The following RBMS1 variants were observed in gnomAD, a reference collection of about 807,000 sequenced individuals.
RBMS1 encodes RNA binding motif single stranded interacting protein 1, also known as RNA-binding motif, single-stranded-interacting protein 1.
A neutral mutation model predicts 62.3 loss-of-function variants in RBMS1; 17 were observed. The ratio of observed to expected loss-of-function variants is 0.27; its 90% CI spans 0.19 to 0.41. The LOEUF is 0.41. Among genes scored for constraint, RBMS1 ranks in the 10% least tolerant of loss-of-function variants. The probability of loss-of-function intolerance (pLI) is 1.00; values close to 1 mark genes in which losing one functional copy is unlikely to be tolerated. For missense variants in RBMS1, 334 were observed against 504.5 expected, an observed-to-expected ratio of 0.66 and a Z score of 3.24; for synonymous variants, 172 against 170.0, an observed-to-expected ratio of 1.01 and a Z score of -0.09.
chr2:160,398,564 T>G (rs768727684), intron 1 of RBMS1, among the ~76,000 whole-genome samples: 1 of 152,196 alleles, frequency 6.6e-6, no homozygotes, highest in Non-Finnish European at 1.5e-5. Flanking sequence ...GATTCTTCCT[T>G]ATGAGAAACT....
At chr2:160,406,332 C>G (rs1347013088) in intron 1 of RBMS1, among the ~76,000 whole-genome samples, 1 of 152,240 alleles carries the variant, frequency 6.6e-6, no homozygotes, top group Non-Finnish European at 1.5e-5. Flanking sequence ...CTGACGACAA[C>G]AAGACCTAAA....
intron 1 of RBMS1, among the ~76,000 whole-genome samples, chr2:160,399,246 G>T (rs546641058): frequency 1.9e-4 from 29 of 152,294 alleles, no homozygotes; most frequent in African/African-American, 6.3e-4. Flanking sequence ...GGAGGACACA[G>T]ATCCCTCTGA....
chr2:160,385,757 G>A (rs1199664598), intron 1 of RBMS1, among the ~76,000 whole-genome samples: 1 of 152,184 alleles, frequency 6.6e-6, no homozygotes, highest in African/African-American at 2.4e-5. Context: ...AGAAGAGAAT[G>A]CAAAAGATCA....
At chr2:160,423,900 TG>T in intron 1 of RBMS1, among the ~76,000 whole-genome samples, 1 of 152,330 alleles carries the variant, frequency 6.6e-6, no homozygotes, top group East Asian at 1.9e-4. Flanking sequence ...TCCATTTCAC[TG>T]GAGGGTAAAC....
intron 1 of RBMS1, among the ~76,000 whole-genome samples, chr2:160,386,064 T>C (rs1193846560): frequency 1.3e-5 from 2 of 152,238 alleles, no homozygotes; most frequent in Admixed American, 1.3e-4. Flanking sequence ...ATGATTTCAT[T>C]TCTTAATCAA....
chr2:160,300,738 T>C lies in RBMS1; in HGVS notation c.561-8A>G. On this transcript the variant is annotated splice_region_variant and splice_polypyrimidine_tract_variant and intron_variant, in intron 5 of 13. Transcript: ENST00000348849. The stretch of plus-strand genomic sequence containing the variant: ...TTTTCTGTTGATTCCATCCTATTTA[T>C]AATAAAAATAGAATACATAAATATT... The C allele has an allele frequency of 6.3e-7, 1 of 1,575,606 alleles. No homozygotes were observed. Among genetic ancestry groups the C allele is most frequent in the Non-Finnish European group, 8.6e-7 (1 of 1,164,616 alleles).
chr2:160,409,950 C>T (rs1189373661), intron 1 of RBMS1, among the ~76,000 whole-genome samples: 1 of 151,962 alleles, frequency 6.6e-6, no homozygotes, highest in Non-Finnish European at 1.5e-5. Flanking sequence ...AGACTCTGGC[C>T]GGGCACGGTG....
intron 1 of RBMS1, among the ~76,000 whole-genome samples, chr2:160,477,522 G>C (rs2105352400): frequency 6.6e-6 from 1 of 151,810 alleles, no homozygotes; most frequent in South Asian, 2.1e-4. Context: ...TCCTGCGTTA[G>C]CCTCCAAGTA....
At position 160,493,542 on chromosome 2, in the gene RBMS1, TTCCTCCTCC is replaced by T. The variant is rs925937562; in HGVS notation, c.-188_-180del. The T allele has an allele frequency of 1.6e-4, 77 of 494,936 alleles. No homozygotes were observed. Among genetic ancestry groups the T allele is most frequent in the Middle Eastern group, 5.5e-4 (1 of 1,816 alleles). 30.7% of individuals were successfully genotyped at this position (494,936 alleles called of 1,614,324 possible). ...AGACGTCCTCCTCCTCCTCCTCCTC[TTCCTCCTCC>T]TCCTCCTCCTCCTCCTCCTCTTCCT... On this transcript the variant is annotated 5_prime_UTR_variant, in exon 1 of 14. Coordinates refer to ENST00000348849, the MANE Select transcript of RBMS1 (RefSeq NM_016836.4).
At chr2:160,322,145 A>G (rs955150407) in intron 2 of RBMS1, among the ~76,000 whole-genome samples, 3 of 152,184 alleles carry the variant, frequency 2.0e-5, no homozygotes, top group Non-Finnish European at 4.4e-5. Flanking sequence ...CTTCACAACA[A>G]TCTTATGAGG....
chr2:160,337,594 A>G (rs921322510), intron 2 of RBMS1, among the ~76,000 whole-genome samples: 1 of 152,142 alleles, frequency 6.6e-6, no homozygotes, highest in African/African-American at 2.4e-5. Flanking sequence ...GAATTATAAT[A>G]TATGACTTGA....
At chr2:160,488,920 A>G (rs1685712025) in intron 1 of RBMS1, among the ~76,000 whole-genome samples, 1 of 152,210 alleles carries the variant, frequency 6.6e-6, no homozygotes, top group Non-Finnish European at 1.5e-5. Context: ...AAGTCAGAGC[A>G]ATATATTAGT....
intron 1 of RBMS1, among the ~76,000 whole-genome samples, chr2:160,379,588 G>A (rs999746193): frequency 9.9e-5 from 15 of 152,140 alleles, no homozygotes; most frequent in African/African-American, 3.6e-4. Context: ...GTCATTCTGT[G>A]GTAAGCAGGA....
At chr2:160,446,738 T>C (rs757470901) in intron 1 of RBMS1, among the ~76,000 whole-genome samples, 2 of 152,228 alleles carry the variant, frequency 1.3e-5, no homozygotes, top group Non-Finnish European at 2.9e-5. Flanking sequence ...TCTTTGTTGT[T>C]TGTCCACCCC....
intron 4 of RBMS1, among the ~76,000 whole-genome samples, chr2:160,303,931 G>C (rs907020121): frequency 9.2e-5 from 14 of 152,100 alleles, no homozygotes; most frequent in Admixed American, 8.5e-4. Flanking sequence ...GCATCCAATA[G>C]GGATCTGCCT....
intron 1 of RBMS1, among the ~76,000 whole-genome samples, chr2:160,390,811 T>C (rs954007809): frequency 4.0e-5 from 6 of 151,766 alleles, no homozygotes; most frequent in African/African-American, 9.7e-5. Context: ...GCTATGGACA[T>C]TGCCATAGCC....
intron 6 of RBMS1, 78 bp downstream of exon 6, chr2:160,300,573 T>C (rs551866705): frequency 6.8e-6 from 10 of 1,460,116 alleles, no homozygotes; most frequent in South Asian, 4.9e-5. Flanking sequence ...TTTTGTTCTA[T>C]TGAAGAGTCA....
chr2:160,423,371 C>CGG (rs1696511756), intron 1 of RBMS1, among the ~76,000 whole-genome samples: 1 of 85,860 alleles, frequency 1.2e-5, no homozygotes, highest in Admixed American at 1.3e-4. Context: ...TAAAAAAAAG[C>CGG]GGGGTGGGGG....
rs772842214 is a variant in RBMS1 at position 160,303,505 on chromosome 2, G to C, written c.403-18C>G. ...TCCTGTTGCTAAAACAGAAGAGAGT[G>C]TTGTCCATTAATTTCCAACAGAAGG... On this transcript the variant is annotated intron_variant, in intron 4 of 13. Transcript: ENST00000348849. 6.3e-7 allele frequency: 1 copy of C among 1,587,484 alleles called. No homozygotes were observed. Among genetic ancestry groups the C allele is most frequent in the Non-Finnish European group, 8.5e-7 (1 of 1,169,728 alleles).
Sources: gnomAD v4.1 joint callset for allele counts (sites outside exome capture counted in the v4.1 genomes callset) on GRCh38, gnomAD v4.1.1 for gene constraint, MANE v1.5 for transcripts, NCBI Gene and HGNC (gene_info 2026-07-23, HGNC 2026-07-21) for gene names.